Variants in CPED1 observed in about 807,000 individuals in gnomAD.
The protein encoded by CPED1 is cadherin-like and PC-esterase domain-containing protein 1.
Under a neutral mutation model 128.2 loss-of-function variants are expected in CPED1, and 114 were observed. That is an observed-to-expected ratio of 0.89 (90% CI 0.76 to 1.04). The LOEUF (loss-of-function observed/expected upper bound fraction) is 1.04. Ranked by LOEUF, CPED1 falls within the 50% of genes least tolerant of loss-of-function variation. The probability of loss-of-function intolerance (pLI) is 0.00; values close to 1 mark genes in which losing one functional copy is unlikely to be tolerated. For synonymous variants in CPED1, 462 were observed against 426.7 expected (o/e 1.08, Z -1.02); for missense variants, 1,211 against 1,207.1 (o/e 1.00, Z -0.05).
intron 5 of CPED1, among the ~76,000 whole-genome samples, chr7:121,071,344 T>G (rs1301188133): frequency 3.3e-5 from 5 of 152,106 alleles, no homozygotes; most frequent in Non-Finnish European, 7.4e-5. Context: ...CTATACTCCT[T>G]TCCCTCAGCA....
At chr7:121,070,083 T>TA (rs916537586) in intron 5 of CPED1, among the ~76,000 whole-genome samples, 3 of 151,650 alleles carry the variant, frequency 2.0e-5, no homozygotes, top group African/African-American at 4.8e-5. Context: ...AAATAATAGG[T>TA]AAAAACACCT....
At chr7:120,998,755 A>T (rs956544100) in intron 2 of CPED1, among the ~76,000 whole-genome samples, 5 of 151,862 alleles carry the variant, frequency 3.3e-5, no homozygotes, top group African/African-American at 1.2e-4. Flanking sequence ...AAGGAGGCTG[A>T]TATATCACTC....
intron 4 of CPED1, among the ~76,000 whole-genome samples, chr7:121,052,304 T>A (rs1793373462): frequency 6.6e-6 from 1 of 152,176 alleles, no homozygotes; most frequent in African/African-American, 2.4e-5. Flanking sequence ...TTTAACTCAG[T>A]TCTTCACTTT....
intron 7 of CPED1, among the ~76,000 whole-genome samples, chr7:121,116,450 A>G (rs1293483477): frequency 6.6e-6 from 1 of 152,188 alleles, no homozygotes; most frequent in Non-Finnish European, 1.5e-5. Flanking sequence ...TTCTTGATCT[A>G]GGCAATTTGA....
intron 3 of CPED1, among the ~76,000 whole-genome samples, chr7:121,039,607 G>A (rs772829151): frequency 1.3e-5 from 2 of 152,000 alleles, no homozygotes; most frequent in Non-Finnish European, 2.9e-5. Context: ...TAATGAGAGT[G>A]TTGTCCCAGA....
intron 6 of CPED1, among the ~76,000 whole-genome samples, chr7:121,098,814 AATAT>A (rs1355100243): frequency 0.017 from 2,449 of 141,914 alleles, 96 homozygotes; most frequent in African/African-American, 0.062. Context: ...ATATATAAAT[AATAT>A]ATATATAAAT....
At chr7:121,114,793 A>C (rs927299338) in intron 7 of CPED1, among the ~76,000 whole-genome samples, 1 of 152,246 alleles carries the variant, frequency 6.6e-6, no homozygotes, top group Non-Finnish European at 1.5e-5. Context: ...TTTTAAAAAA[A>C]GTTTAAGAAT....
chr7:121,237,677 G>A (rs1176020359), intron 17 of CPED1, among the ~76,000 whole-genome samples: 1 of 152,092 alleles, frequency 6.6e-6, no homozygotes, highest in Non-Finnish European at 1.5e-5. Flanking sequence ...TTACTGCTCT[G>A]TCCTCCTGAC....
At chr7:121,028,957 A>T (rs924828064) in intron 3 of CPED1, among the ~76,000 whole-genome samples, 3 of 152,156 alleles carry the variant, frequency 2.0e-5, no homozygotes, top group African/African-American at 7.2e-5. Context: ...TTAGTTTAAT[A>T]GCTAATAATA....
chr7:121,233,632 C>G (rs911257534), intron 16 of CPED1, among the ~76,000 whole-genome samples: 1 of 151,922 alleles, frequency 6.6e-6, no homozygotes, highest in Non-Finnish European at 1.5e-5. Context: ...GCTGATCATC[C>G]CAGTGAAGAA....
intron 16 of CPED1, among the ~76,000 whole-genome samples, chr7:121,188,424 A>G (rs943325203): frequency 6.6e-6 from 1 of 152,172 alleles, no homozygotes; most frequent in Admixed American, 6.5e-5. Context: ...ACAAACAACA[A>G]AATTACACTC....
At chr7:121,144,714 A>G (rs1389595720) in intron 16 of CPED1, among the ~76,000 whole-genome samples, 8 of 152,060 alleles carry the variant, frequency 5.3e-5, no homozygotes, top group African/African-American at 1.9e-4. Context: ...AATGACACAT[A>G]CTTGAGGTGT....
intron 16 of CPED1, among the ~76,000 whole-genome samples, 168 bp from the exon 17 acceptor site, chr7:121,236,546 T>C (rs1012166483): frequency 2.6e-5 from 4 of 152,198 alleles, no homozygotes; most frequent in African/African-American, 9.6e-5. Flanking sequence ...AATTGTTATC[T>C]ACTTCTAGCA....
intron 5 of CPED1, among the ~76,000 whole-genome samples, chr7:121,084,372 T>C (rs144625639): frequency 6.6e-6 from 1 of 152,330 alleles, no homozygotes; most frequent in East Asian, 1.9e-4. Flanking sequence ...TATAACAACA[T>C]GTATTTCAAT....
At chr7:121,121,779 T>C (rs941737342) in intron 7 of CPED1, among the ~76,000 whole-genome samples, 2 of 152,170 alleles carry the variant, frequency 1.3e-5, no homozygotes, top group African/African-American at 4.8e-5. Context: ...CTGGTGGCAT[T>C]TGAATGGAAT....
chr7:121,140,814 GT>G lies in CPED1; in HGVS notation c.1700-6del. Reference sequence around the variant, plus strand: ...CACAGTTGTCTTTGTCATTGTTTTTGTTTTTTTAACAGATGAAAACACACCA... The same window carrying G: ...CACAGTTGTCTTTGTCATTGTTTTTGTTTTTTAACAGATGAAAACACACCA... On this transcript the variant is annotated splice_polypyrimidine_tract_variant and intron_variant, in intron 14 of 22. Transcript: ENST00000310396. 1 of 1,590,126 alleles carries G rather than the reference GT, an allele frequency of 6.3e-7. No individual in the cohort carries two copies. The highest frequency in any genetic ancestry group is 8.6e-7 in the Non-Finnish European group (1 of 1,167,858).
intron 3 of CPED1, among the ~76,000 whole-genome samples, chr7:121,042,705 A>G (rs1793087946): frequency 1.3e-5 from 2 of 152,200 alleles, no homozygotes; most frequent in African/African-American, 2.4e-5. Flanking sequence ...TAGAATAATC[A>G]TATCAAATAG....
intron 5 of CPED1, among the ~76,000 whole-genome samples, chr7:121,070,538 C>T (rs1793958369): frequency 6.6e-6 from 1 of 152,114 alleles, no homozygotes; most frequent in Non-Finnish European, 1.5e-5. Flanking sequence ...GGAACTAATT[C>T]AGACTAAATT....
intron 21 of CPED1, among the ~76,000 whole-genome samples, chr7:121,270,014 G>T (rs1792202355): frequency 6.6e-6 from 1 of 151,936 alleles, no homozygotes; most frequent in African/African-American, 2.4e-5. Flanking sequence ...AGGAGAGAGA[G>T]GCGGGAGGTG....
Sources: gnomAD v4.1 joint callset for allele counts (sites outside exome capture counted in the v4.1 genomes callset) on GRCh38, gnomAD v4.1.1 for gene constraint, MANE v1.5 for transcripts, NCBI Gene and HGNC (gene_info 2026-07-23, HGNC 2026-07-21) for gene names.